Variants in SMPDL3A observed in about 807,000 individuals in gnomAD.
The protein encoded by SMPDL3A is sphingomyelin phosphodiesterase acid like 3A.
A neutral mutation model predicts 38.5 loss-of-function variants in SMPDL3A; 39 were observed. That is an observed-to-expected ratio of 1.01 (90% CI 0.78 to 1.32). The LOEUF (loss-of-function observed/expected upper bound fraction) is 1.32. Ranked by LOEUF, SMPDL3A falls within the 40% of genes most tolerant of loss-of-function variation. The pLI, the probability that SMPDL3A is intolerant of heterozygous loss-of-function variation, is 0.00. For missense variants in SMPDL3A, 502 were observed against 536.2 expected, an observed-to-expected ratio of 0.94 and a Z score of 0.63; for synonymous variants, 180 against 194.3, an observed-to-expected ratio of 0.93 and a Z score of 0.61.
chr6:122,808,685 A>G (rs1241165186), intron 7 of SMPDL3A, among the ~76,000 whole-genome samples: 1 of 103,324 alleles, frequency 9.7e-6, no homozygotes, highest in Non-Finnish European at 1.8e-5. Context: ...TTTCTTATTT[A>G]TTTATTGAGA....
At position 122,804,461 on chromosome 6, in the gene SMPDL3A, T is replaced by C. The variant is rs114955046; in HGVS notation, c.739-448T>C. On this transcript the variant is annotated intron_variant, in intron 5 of 7. Coordinates refer to ENST00000368440, the MANE Select transcript of SMPDL3A (RefSeq NM_006714.5). ...TGGGACTACAGGTGTGCGCCACCACTCCTGGCTAATTTTTTTTTCTATTAT... is the reference window on the plus strand; with the variant it reads ...TGGGACTACAGGTGTGCGCCACCACCCCTGGCTAATTTTTTTTTCTATTAT... Among the ~76,000 whole-genome samples, 1,003 of 151,864 alleles carry C rather than the reference T, an allele frequency of 6.6e-3. 14 individuals carry two copies. Among genetic ancestry groups the C allele is most frequent in the African/African-American group, 0.023 (946 of 41,390 alleles).
Position 122,801,414 on chromosome 6 carries a change from A to G in SMPDL3A, c.568+8A>G. ...TTAGTACTTTAAGGAAAGGTAAGTG[A>G]AAGACTTAGTTATTCCTATTTTGCC... On this transcript the variant is annotated splice_region_variant and intron_variant, in intron 4 of 7. Coordinates refer to ENST00000368440, the MANE Select transcript of SMPDL3A (RefSeq NM_006714.5). The G allele has an allele frequency of 6.4e-7, 1 of 1,559,166 alleles. No homozygotes were observed. The highest frequency in any genetic ancestry group is 8.8e-7 in the Non-Finnish European group (1 of 1,130,262).
intron 3 of SMPDL3A, among the ~76,000 whole-genome samples, chr6:122,798,895 T>C (rs1315981931): frequency 1.3e-5 from 2 of 152,192 alleles, no homozygotes; most frequent in East Asian, 1.9e-4. Context: ...TCTTTCTAGC[T>C]TATGATCTTA....
chr6:122,802,979 T>G (rs1442723914), intron 4 of SMPDL3A, among the ~76,000 whole-genome samples: 1 of 152,068 alleles, frequency 6.6e-6, no homozygotes, highest in East Asian at 1.9e-4. Context: ...AATAATAAGG[T>G]GTTGTGACTA....
Position 122,789,361 on chromosome 6 carries a change from C to A in SMPDL3A, c.15C>A (p.Arg5=). The change falls in exon 1 of 8, where the codon CGC becomes CGA. Residue 5 remains arginine, a synonymous_variant. Coordinates refer to ENST00000368440, the MANE Select transcript of SMPDL3A (RefSeq NM_006714.5). MALV[R]ALVCCLLTAW... ...CGCGGCCCTCCATGGCGCTGGTGCGCGCACTCGTCTGCTGCCTGCTGACTG... is the reference window on the plus strand; with the variant it reads ...CGCGGCCCTCCATGGCGCTGGTGCGAGCACTCGTCTGCTGCCTGCTGACTG... 1 of 1,546,866 alleles carries A rather than the reference C, an allele frequency of 6.5e-7. No individual in the cohort carries two copies.
At chr6:122,808,933 A>T (rs184342650) in intron 7 of SMPDL3A, among the ~76,000 whole-genome samples, 158 bp from the exon 8 acceptor site, 223 of 152,092 alleles carry the variant, frequency 1.5e-3, no homozygotes, top group African/African-American at 5.1e-3. Context: ...ACCTCAGGTA[A>T]CCCACCTGCC....
rs1226541280 is a variant in SMPDL3A, at chr6:122,796,822, A to G, written c.327-2A>G. On this transcript the variant is annotated splice_acceptor_variant, in intron 2 of 7. Coordinates refer to ENST00000368440, the MANE Select transcript of SMPDL3A (RefSeq NM_006714.5). LOFTEE classifies it high-confidence loss of function. ...TTCTTTACAATCTCTCTCTTTTTTC[A>G]GGGATAGCCCACCTCATGTTCCTGT... The G allele has an allele frequency of 6.2e-7, 1 of 1,603,836 alleles. No homozygotes were observed. The highest frequency in any genetic ancestry group is 8.5e-7 in the Non-Finnish European group (1 of 1,176,646).
intron 1 of SMPDL3A, among the ~76,000 whole-genome samples, chr6:122,794,832 T>A (rs1247711294): frequency 1.3e-5 from 2 of 152,198 alleles, no homozygotes; most frequent in African/African-American, 4.8e-5. Flanking sequence ...TAGAGATTTA[T>A]GTTCTTTGAA....
At chr6:122,798,281 G>A (rs928963659) in intron 3 of SMPDL3A, among the ~76,000 whole-genome samples, 8 of 152,250 alleles carry the variant, frequency 5.3e-5, no homozygotes, top group African/African-American at 1.9e-4. Flanking sequence ...TGTTCCTGTT[G>A]ATATGTTAGA....
chr6:122,790,005 T>C (rs556294085), intron 1 of SMPDL3A: 1 of 276,224 alleles, frequency 3.6e-6, no homozygotes, highest in African/African-American at 2.3e-5. Context: ...GAAAGCACCC[T>C]CGGGTAGACT....
At chr6:122,802,563 G>C (rs1254980226) in intron 4 of SMPDL3A, among the ~76,000 whole-genome samples, 2 of 152,100 alleles carry the variant, frequency 1.3e-5, no homozygotes, top group African/African-American at 4.8e-5. Context: ...AGGTTGAAGG[G>C]AGAGCCATAA....
In SMPDL3A at chr6:122,809,564, T is replaced by C; in HGVS notation, c.*156T>C. On this transcript the variant is annotated 3_prime_UTR_variant, in exon 8 of 8. Transcript: ENST00000368440. ...TCTTTTTGATGCCTTAATGTAGATA[T>C]CTTTATCATTCTGAATTGTATTATA... is the stretch of plus-strand genomic sequence containing the variant. The C allele has an allele frequency of 1.7e-6, 1 of 580,110 alleles. No homozygotes were observed. The highest frequency in any genetic ancestry group is 3.0e-6 in the Non-Finnish European group (1 of 327,910). The allele number at this position is 580,110 out of a possible 1,614,324, so 35.9% of individuals were successfully genotyped here.
At position 122,809,202 on chromosome 6, in the gene SMPDL3A, G is replaced by A; in HGVS notation, c.1156G>A (p.Glu386Lys). The A allele has an allele frequency of 6.2e-7, 1 of 1,614,154 alleles. No homozygotes were observed. Among genetic ancestry groups the A allele is most frequent in the South Asian group, 1.1e-5 (1 of 91,088 alleles). The change falls in exon 8 of 8, where the codon GAA becomes AAA. Residue 386 changes from glutamate (E) to lysine (K), a missense_variant. Physicochemically the swap from Glu to Lys is moderately conservative, Grantham distance 56 (BLOSUM62 1). Coordinates refer to ENST00000368440, the MANE Select transcript of SMPDL3A (RefSeq NM_006714.5). The part of the protein sequence containing the change: ...QTYDIEDLQP[E>K]SLYGLAKQFT... ...CTACGACATTGAAGATTTGCAGCCGGAAAGTTTATATGGATTAGCTAAACA... is the reference window on the plus strand; with the variant it reads ...CTACGACATTGAAGATTTGCAGCCGAAAAGTTTATATGGATTAGCTAAACA...
At chr6:122,796,791 A>T (rs1347351580) in intron 2 of SMPDL3A, 33 bp from the exon 3 acceptor site, 12 of 1,599,592 alleles carry the variant, frequency 7.5e-6, no homozygotes, top group Non-Finnish European at 1.0e-5. Flanking sequence ...TATGAAACTG[A>T]TTTTGTTCTT....
Position 122,809,593 on chromosome 6 carries a change from T to G in SMPDL3A, c.*185T>G. On this transcript the variant is annotated 3_prime_UTR_variant, in exon 8 of 8. Transcript: ENST00000368440. ...TATCATTCTGAATTGTATTATATAT[T>G]TAAAGTGCTCATTAATAGAATGATG... 2.0e-6 allele frequency: 1 copy of G among 501,632 alleles called. No individual in the cohort carries two copies. The highest frequency in any genetic ancestry group is 3.5e-6 in the Non-Finnish European group (1 of 285,516). The allele number at this position is 501,632 out of a possible 1,614,324, so 31.1% of individuals were successfully genotyped here.
chr6:122,803,615 G>GTGTGTA, intron 4 of SMPDL3A, 49 bp from the exon 5 acceptor site: 3 of 1,424,274 alleles, frequency 2.1e-6, no homozygotes, highest in Non-Finnish European at 2.9e-6. Flanking sequence ...CACAATGTTT[G>GTGTGTA]TGTGTATGTG....
At chr6:122,795,423 A>G (rs754483819) in intron 1 of SMPDL3A, among the ~76,000 whole-genome samples, 7 of 152,056 alleles carry the variant, frequency 4.6e-5, no homozygotes, top group Admixed American at 4.6e-4. Flanking sequence ...GATTACAGGC[A>G]TGAGCCACCG....
At chr6:122,808,777 G>C (rs1429432472) in intron 7 of SMPDL3A, among the ~76,000 whole-genome samples, 2 of 151,836 alleles carry the variant, frequency 1.3e-5, no homozygotes, top group East Asian at 3.9e-4. Flanking sequence ...CGCCTCCCGG[G>C]TTCAAGCGAT....
At chr6:122,808,767 C>T (rs187020021) in intron 7 of SMPDL3A, among the ~76,000 whole-genome samples, 3,532 of 151,852 alleles carry the variant, frequency 0.023, 53 homozygotes, top group Non-Finnish European at 0.037. Context: ...CCGCAACCTC[C>T]GCCTCCCGGG....
Sources: gnomAD v4.1 joint callset for allele counts (sites outside exome capture counted in the v4.1 genomes callset) on GRCh38, gnomAD v4.1.1 for gene constraint, MANE v1.5 for transcripts, NCBI Gene and HGNC (gene_info 2026-07-23, HGNC 2026-07-21) for gene names.